ST18: variants seen among roughly 807,000 people sequenced by gnomAD.
ST18 encodes suppression of tumorigenicity 18 protein.
In ST18, 50 loss-of-function variants were observed where a neutral mutation model predicts 110.0. That is an observed-to-expected ratio of 0.45 (90% confidence interval 0.36 to 0.58). ST18 has a LOEUF of 0.58. Ranked by LOEUF, ST18 falls within the 20% of genes least tolerant of loss-of-function variation. The pLI, the probability that ST18 is intolerant of heterozygous loss-of-function variation, is 0.00. For missense variants in ST18, 1,306 were observed against 1,280.1 expected, an observed-to-expected ratio of 1.02 and a Z score of -0.31; for synonymous variants, 461 against 452.4, an observed-to-expected ratio of 1.02 and a Z score of -0.24.
chr8:52,299,602 A>G (rs1283216750), intron 2 of ST18, among the ~76,000 whole-genome samples: 1 of 152,248 alleles, frequency 6.6e-6, no homozygotes, highest in Non-Finnish European at 1.5e-5. Context: ...GTTTTAAAAT[A>G]TAAGTCCATG....
intron 9 of ST18, among the ~76,000 whole-genome samples, chr8:52,179,258 G>A (rs184978090): frequency 6.6e-6 from 1 of 152,138 alleles, no homozygotes; most frequent in Non-Finnish European, 1.5e-5. Flanking sequence ...ACTCCTAGAG[G>A]CATGTGACTA....
intron 23 of ST18, among the ~76,000 whole-genome samples, chr8:52,121,748 G>C (rs895509868): frequency 6.6e-6 from 1 of 152,146 alleles, no homozygotes; most frequent in Non-Finnish European, 1.5e-5. Flanking sequence ...ATCAGTAAAA[G>C]GTGTGCCCTG....
At chr8:52,381,942 A>G (rs1237577486) in intron 2 of ST18, among the ~76,000 whole-genome samples, 1 of 148,924 alleles carries the variant, frequency 6.7e-6, no homozygotes, top group African/African-American at 2.5e-5. Flanking sequence ...CTTACTAAGT[A>G]AGCTTCAAGA....
At chr8:52,353,098 G>A (rs546536047) in intron 2 of ST18, among the ~76,000 whole-genome samples, 15 of 152,232 alleles carry the variant, frequency 9.9e-5, no homozygotes, top group Non-Finnish European at 1.3e-4. Context: ...GGGGTTTGTC[G>A]TATATCAAAG....
intron 2 of ST18, among the ~76,000 whole-genome samples, chr8:52,378,137 A>T (rs60657148): frequency 0.051 from 7,744 of 152,266 alleles, 682 homozygotes; most frequent in African/African-American, 0.18. Flanking sequence ...ATGGTTAATG[A>T]GTACAAAATA....
At chr8:52,124,479 AAATTTTT>A (rs1249890142) in intron 23 of ST18, among the ~76,000 whole-genome samples, 2 of 152,140 alleles carry the variant, frequency 1.3e-5, no homozygotes, top group Admixed American at 6.6e-5. Flanking sequence ...TGGCTGAATT[AAATTTTT>A]AACCAGCATT....
chr8:52,259,173 C>A (rs2094608030), intron 2 of ST18, among the ~76,000 whole-genome samples: 1 of 152,152 alleles, frequency 6.6e-6, no homozygotes, highest in Non-Finnish European at 1.5e-5. Context: ...GGCAGAGTTT[C>A]CCTTTGAATA....
At chr8:52,129,904 G>A (rs1177524522) in intron 22 of ST18, among the ~76,000 whole-genome samples, 1 of 151,824 alleles carries the variant, frequency 6.6e-6, no homozygotes, top group Admixed American at 6.6e-5. Context: ...AATTAGCCTG[G>A]TGTGGTGGCA....
intron 2 of ST18, among the ~76,000 whole-genome samples, chr8:52,263,687 C>T (rs2094772551): frequency 6.7e-6 from 1 of 149,180 alleles, no homozygotes; most frequent in African/African-American, 2.5e-5. Context: ...TTAGGTGATC[C>T]ACCTACCTCA....
rs550748095 is a variant in ST18 at position 52,172,187 on chromosome 8, T to A, written c.674A>T (p.Asp225Val). The A allele has an allele frequency of 6.2e-7, 1 of 1,614,236 alleles. No homozygotes were observed. The highest frequency in any genetic ancestry group is 8.5e-7 in the Non-Finnish European group (1 of 1,180,046). ...AACTTCCAATAGGTCTTTTTTATGA[T>A]CTGTTAAAACATACTTTGGGACTCT... Reference protein sequence around the residue: ...PPRVPKYVLTDHKKDLLEVPE... With the variant: ...PPRVPKYVLTVHKKDLLEVPE... The change falls in exon 10 of 26, where the codon GAT (aspartate) becomes GTT (valine). Residue 225 changes from aspartate (D) to valine (V), a missense_variant. Asp to Val is a radical substitution (Grantham distance 152, BLOSUM62 -3). Transcript: ENST00000689386.
intron 2 of ST18, among the ~76,000 whole-genome samples, chr8:52,269,280 T>C (rs1464062822): frequency 2.0e-5 from 3 of 152,152 alleles, no homozygotes; most frequent in Non-Finnish European, 4.4e-5. Context: ...GTGAATGCAT[T>C]CTCACATAGC....
intron 2 of ST18, among the ~76,000 whole-genome samples, chr8:52,375,047 T>C (rs1831749128): frequency 6.6e-6 from 1 of 151,910 alleles, no homozygotes; most frequent in Non-Finnish European, 1.5e-5. Flanking sequence ...TCCAAATCAA[T>C]CCTCTTCAAC....
chr8:52,210,887 G>A (rs1029819440), intron 8 of ST18, among the ~76,000 whole-genome samples: 7 of 152,264 alleles, frequency 4.6e-5, no homozygotes, highest in Middle Eastern at 3.4e-3. Context: ...CTGTGTTTTA[G>A]AGGAATCACA....
intron 2 of ST18, among the ~76,000 whole-genome samples, chr8:52,386,062 G>T (rs754708881): frequency 6.6e-6 from 1 of 152,150 alleles, no homozygotes; most frequent in Non-Finnish European, 1.5e-5. Flanking sequence ...TGCCAACAAA[G>T]ATGCACATAT....
intron 2 of ST18, among the ~76,000 whole-genome samples, chr8:52,379,841 A>G (rs970913640): frequency 1.3e-5 from 2 of 152,226 alleles, no homozygotes; most frequent in Non-Finnish European, 2.9e-5. Flanking sequence ...GATTAACTTT[A>G]GAACATACTG....
chr8:52,371,057 T>C (rs914375698), intron 2 of ST18, among the ~76,000 whole-genome samples: 4 of 152,322 alleles, frequency 2.6e-5, no homozygotes, highest in East Asian at 1.9e-4. Flanking sequence ...TATAAACTCA[T>C]GAATCCTCAA....
At chr8:52,181,645 A>G (rs9643795) in intron 8 of ST18, among the ~76,000 whole-genome samples, 6,925 of 152,284 alleles carry the variant, frequency 0.045, 203 homozygotes, top group Middle Eastern at 0.099. Context: ...CCTAAATGTA[A>G]AGTAACCAAG....
intron 2 of ST18, among the ~76,000 whole-genome samples, chr8:52,314,924 C>G (rs1175044425): frequency 6.6e-6 from 1 of 152,136 alleles, no homozygotes; most frequent in Non-Finnish European, 1.5e-5. Flanking sequence ...AGGTTCAGAC[C>G]TCACTTTCTG....
chr8:52,128,460 G>A (rs1255707798), intron 22 of ST18, among the ~76,000 whole-genome samples: 1 of 152,116 alleles, frequency 6.6e-6, no homozygotes, highest in African/African-American at 2.4e-5. Context: ...ATCCATAATT[G>A]TGTGTGTGTT....
Sources: allele counts gnomAD v4.1 joint callset (sites outside exome capture counted in the v4.1 genomes callset), GRCh38; gene constraint gnomAD v4.1.1; transcripts MANE v1.5; gene names NCBI Gene and HGNC (gene_info 2026-07-23, HGNC 2026-07-21).